MGST3: variants seen among roughly 807,000 people sequenced by gnomAD.
MGST3 encodes the protein microsomal glutathione S-transferase 3, also known as glutathione S-transferase 3, mitochondrial.
A neutral mutation model predicts 15.8 loss-of-function variants in MGST3; 13 were observed. That is an observed-to-expected ratio of 0.82 (90% CI 0.54 to 1.31). The LOEUF (loss-of-function observed/expected upper bound fraction) is 1.31, where lower values mean the gene tolerates loss of function less well. Ranked by LOEUF, MGST3 falls within the 50% of genes most tolerant of loss-of-function variation. The pLI is 0.00. For synonymous variants in MGST3, 49 were observed against 68.1 expected, an observed-to-expected ratio of 0.72 and a Z score of 1.38; for missense variants, 155 against 192.4, an observed-to-expected ratio of 0.81 and a Z score of 1.15.
intron 1 of MGST3, chr1:165,648,836 A>T (rs1648478698): frequency 1.3e-5 from 2 of 152,220 alleles, no homozygotes; most frequent in Non-Finnish European, 2.9e-5. Context: ...AATGAATCTG[A>T]ATGGGAATCC....
In MGST3 at chr1:165,655,565, A is replaced by T; in HGVS notation, c.*61A>T. ...AAATGACTTACCTTTATTTCCAGTT[A>T]CATTTTTTTTCTAAATATAATAAAA... is the stretch of plus-strand genomic sequence containing the variant. On this transcript the variant is annotated 3_prime_UTR_variant, in exon 6 of 6. Coordinates refer to ENST00000367889, the MANE Select transcript of MGST3 (RefSeq NM_004528.4). The T allele has an allele frequency of 6.3e-7, 1 of 1,597,284 alleles. No individual in the cohort carries two copies.
In MGST3 at chr1:165,655,875, C is replaced by A; in HGVS notation, c.*371C>A. Reference sequence around the variant, plus strand: ...ATCACTTGCTACAGATACTCCAAGGCCAAAGGAATGCTTGAGCCTAAAAGT... The same window carrying A: ...ATCACTTGCTACAGATACTCCAAGGACAAAGGAATGCTTGAGCCTAAAAGT... On this transcript the variant is annotated 3_prime_UTR_variant, in exon 6 of 6. Transcript: ENST00000367889. 1 of 253,098 alleles carries A rather than the reference C, an allele frequency of 4.0e-6. No homozygotes were observed. The highest frequency in any genetic ancestry group is 7.8e-6 in the Non-Finnish European group (1 of 128,578). The allele number at this position is 253,098 out of a possible 1,614,324, so 15.7% of individuals were successfully genotyped here.
At chr1:165,634,742 T>G (rs1055495005) in intron 1 of MGST3, among the ~76,000 whole-genome samples, 7 of 81,716 alleles carry the variant, frequency 8.6e-5, no homozygotes, top group African/African-American at 2.0e-4. Context: ...AATCATGCGC[T>G]CTCTCTCTCT....
chr1:165,641,842 A>G (rs1465942203), intron 1 of MGST3, among the ~76,000 whole-genome samples: 1 of 152,236 alleles, frequency 6.6e-6, no homozygotes, highest in Non-Finnish European at 1.5e-5. Context: ...ACTAGGAGTA[A>G]AAACATTTAG....
intron 1 of MGST3, among the ~76,000 whole-genome samples, chr1:165,641,057 C>T (rs1454604010): frequency 3.3e-5 from 5 of 152,080 alleles, no homozygotes; most frequent in African/African-American, 7.2e-5. Flanking sequence ...ATGGTGGGCA[C>T]CTATAATCCC....
chr1:165,639,117 C>T (rs745720931), intron 1 of MGST3, among the ~76,000 whole-genome samples: 2 of 152,210 alleles, frequency 1.3e-5, no homozygotes, highest in Non-Finnish European at 2.9e-5. Context: ...CTGTCTCTCC[C>T]TCCCCTATGC....
intron 2 of MGST3, chr1:165,650,677 C>G (rs9333472): frequency 0.012 from 4,372 of 355,744 alleles, 132 homozygotes; most frequent in Admixed American, 0.065. Context: ...TAGGAAGGCT[C>G]TATTTCCCTA....
intron 4 of MGST3, chr1:165,653,862 A>G (rs371449838): frequency 3.5e-6 from 1 of 286,112 alleles, no homozygotes. Flanking sequence ...TCTTCAGTCA[A>G]TCTCATGCTC....
intron 1 of MGST3, chr1:165,646,345 G>T (rs947773213): frequency 6.6e-6 from 1 of 152,204 alleles, no homozygotes; most frequent in Non-Finnish European, 1.5e-5. Context: ...AAATAATGAT[G>T]TAGCAAATGA....
chr1:165,650,906 G>A (rs1469565512), intron 2 of MGST3, 108 bp from the exon 3 acceptor site: 1 of 911,996 alleles, frequency 1.1e-6, no homozygotes, highest in Non-Finnish European at 1.8e-6. Flanking sequence ...ATCTATCAAG[G>A]GTGTGAAAGA....
chr1:165,655,057 A>G (rs1277008555), intron 5 of MGST3, among the ~76,000 whole-genome samples: 2 of 152,200 alleles, frequency 1.3e-5, no homozygotes, highest in African/African-American at 4.8e-5. Context: ...ATATCTGAGT[A>G]AGGAGGAGGA....
chr1:165,632,121 T>C (rs1647969277), intron 1 of MGST3: 1 of 872,508 alleles, frequency 1.1e-6, no homozygotes, highest in Admixed American at 2.0e-5. Context: ...GTTTACAAGC[T>C]ACATAATAGC....
At chr1:165,635,542 ATCT>A (rs1648085766) in intron 1 of MGST3, among the ~76,000 whole-genome samples, 1 of 152,140 alleles carries the variant, frequency 6.6e-6, no homozygotes, top group Non-Finnish European at 1.5e-5. Context: ...CATCCTGCTG[ATCT>A]TCCCTCCCCC....
Position 165,654,265 on chromosome 1 carries a change from C to A in MGST3, c.250-14C>A, listed in dbSNP as rs201539031. The A allele has an allele frequency of 1.7e-3, 2,767 of 1,613,336 alleles. 2 individuals are homozygous for A. Among genetic ancestry groups the A allele is most frequent in the Non-Finnish European group, 2.1e-3 (2,429 of 1,179,294 alleles). On this transcript the variant is annotated splice_polypyrimidine_tract_variant and intron_variant, in intron 4 of 5. Transcript: ENST00000367889. ...TTCTTTCATGCAAATACTAATGTAG[C>A]CCTTTTTTCTTAGCGTATAGCTTCT... is the stretch of plus-strand genomic sequence containing the variant.
intron 1 of MGST3, among the ~76,000 whole-genome samples, chr1:165,636,429 A>G (rs369316669): frequency 9.3e-4 from 142 of 152,318 alleles, no homozygotes; most frequent in African/African-American, 3.2e-3. Context: ...TACATTGTGT[A>G]ATGAGCAAGA....
In MGST3 at chr1:165,651,074, G is replaced by A. The variant is rs1465278922; in HGVS notation, c.178G>A (p.Ala60Thr). ...NGHIFNCIQR[A>T]HQNTLEVYPP... is the part of the protein sequence containing the mutation. ...GCACATCTTCAACTGCATTCAGCGA[G>A]CCCACCAGAACACGTGAGTGTCGGC... Residue 60 changes from alanine to threonine, a missense_variant, in exon 3 of 6, where the codon GCC becomes ACC. Ala to Thr is a moderately conservative substitution (Grantham distance 58). Transcript: ENST00000367889. The A allele has an allele frequency of 8.7e-6, 14 of 1,614,068 alleles. No homozygotes were observed. Among genetic ancestry groups the A allele is most frequent in the Non-Finnish European group, 1.2e-5 (14 of 1,180,028 alleles).
intron 1 of MGST3, among the ~76,000 whole-genome samples, chr1:165,643,549 T>G (rs1648312451): frequency 7.7e-6 from 1 of 130,174 alleles, no homozygotes; most frequent in African/African-American, 3.0e-5. Flanking sequence ...GAAGATCCTA[T>G]CTCTTAAAAA....
intron 1 of MGST3, among the ~76,000 whole-genome samples, chr1:165,634,747 C>T (rs1310970517): frequency 1.3e-5 from 2 of 149,132 alleles, no homozygotes; most frequent in Non-Finnish European, 3.0e-5. Flanking sequence ...TGCGCTCTCT[C>T]TCTCTCTCCC....
At chr1:165,631,454 C>T (rs1223019111) in intron 1 of MGST3, among the ~76,000 whole-genome samples, 161 bp downstream of exon 1, 4 of 152,196 alleles carry the variant, frequency 2.6e-5, no homozygotes. Flanking sequence ...ATCTGAATTT[C>T]CACCCTCTCT....
Sources: gnomAD v4.1 joint callset for allele counts (sites outside exome capture counted in the v4.1 genomes callset) on GRCh38, gnomAD v4.1.1 for gene constraint, MANE v1.5 for transcripts, NCBI Gene and HGNC (gene_info 2026-07-23, HGNC 2026-07-21) for gene names.